RNF150: variants seen among roughly 807,000 people sequenced by gnomAD.
RNF150 encodes ring finger protein 150.
A neutral mutation model predicts 39.3 loss-of-function variants in RNF150; 24 were observed. That is an observed-to-expected ratio of 0.61 (90% confidence interval 0.44 to 0.86). The LOEUF is 0.86. Among genes scored for constraint, RNF150 ranks in the 40% least tolerant of loss-of-function variants. The pLI is 0.00. For synonymous variants in RNF150, 255 were observed against 227.3 expected (o/e 1.12, Z -1.10); for missense variants, 502 against 587.8 (o/e 0.85, Z 1.51).
chr4:141,193,058 C>T (rs995221154), intron 1 of RNF150, among the ~76,000 whole-genome samples: 5 of 152,192 alleles, frequency 3.3e-5, no homozygotes, highest in African/African-American at 1.2e-4. Flanking sequence ...TGTCACTCTT[C>T]CCTGCTTTTA....
chr4:140,920,215 C>T (rs994182824), intron 5 of RNF150, among the ~76,000 whole-genome samples: 1 of 149,246 alleles, frequency 6.7e-6, no homozygotes. Flanking sequence ...AGAGCTTCTG[C>T]ACAGTGAAAG....
At chr4:140,921,668 G>A (rs76804444) in intron 5 of RNF150, among the ~76,000 whole-genome samples, 83,757 of 151,826 alleles carry the variant, frequency 0.55, 23,604 homozygotes, top group East Asian at 0.89. Flanking sequence ...ACAACCAAAA[G>A]AGAGAATTTT....
intron 1 of RNF150, among the ~76,000 whole-genome samples, chr4:141,065,798 C>T (rs1309993746): frequency 2.0e-5 from 3 of 151,974 alleles, no homozygotes; most frequent in Admixed American, 6.6e-5. Context: ...TAAATGCCGA[C>T]TCCCTCCGCT....
chr4:140,896,834 G>C (rs897405158), intron 6 of RNF150, among the ~76,000 whole-genome samples: 2 of 151,796 alleles, frequency 1.3e-5, no homozygotes, highest in East Asian at 3.9e-4. Flanking sequence ...CTGCACCACC[G>C]TGTGTAGGTC....
intron 1 of RNF150, among the ~76,000 whole-genome samples, chr4:141,204,980 C>A (rs1052695154): frequency 6.6e-6 from 1 of 152,072 alleles, no homozygotes; most frequent in Admixed American, 6.6e-5. Flanking sequence ...GCCTTGAGGT[C>A]TTTTTCTGAG....
At position 141,132,999 on chromosome 4, in the gene RNF150, T is replaced by G; in HGVS notation, c.-191A>C. Reference sequence around the variant, plus strand: ...CGGGCGAGCGGATGGCGCTGGCCCCTTCCCCTCTCAGCTGTAGCGCGGTGG... The same window carrying G: ...CGGGCGAGCGGATGGCGCTGGCCCCGTCCCCTCTCAGCTGTAGCGCGGTGG... On this transcript the variant is annotated 5_prime_UTR_variant, in exon 1 of 7. Coordinates refer to ENST00000515673, the MANE Select transcript of RNF150 (RefSeq NM_020724.2). This position sits in a 1 kb window ranked among gnomAD's most constrained non-coding sequence, Gnocchi z 4.9. 1 of 531,262 alleles carries G rather than the reference T, an allele frequency of 1.9e-6. No homozygotes were observed. The allele number at this position is 531,262 out of a possible 1,614,324, so 32.9% of individuals were successfully genotyped here.
intron 1 of RNF150, among the ~76,000 whole-genome samples, chr4:141,011,500 C>T (rs564898721): frequency 6.6e-6 from 1 of 152,170 alleles, no homozygotes; most frequent in South Asian, 2.1e-4. Flanking sequence ...TATAATATAC[C>T]ACCCTATATA....
At chr4:141,104,594 C>T (rs750190729) in intron 1 of RNF150, among the ~76,000 whole-genome samples, 5 of 152,044 alleles carry the variant, frequency 3.3e-5, no homozygotes, top group Non-Finnish European at 5.9e-5. Flanking sequence ...TCTCTGAAGC[C>T]GACAACAAAT....
chr4:140,883,402 T>C (rs370417610), intron 6 of RNF150, among the ~76,000 whole-genome samples: 11 of 152,208 alleles, frequency 7.2e-5, no homozygotes, highest in Non-Finnish European at 1.6e-4. Context: ...TGTGTTACTA[T>C]CTAATGTTCT....
At chr4:141,024,801 A>G (rs1166205127) in intron 1 of RNF150, among the ~76,000 whole-genome samples, 1 of 152,130 alleles carries the variant, frequency 6.6e-6, no homozygotes, top group Admixed American at 6.5e-5. Context: ...ACATAAAGAT[A>G]TAAGATTTGA....
At chr4:140,971,645 G>C (rs1733470120) in intron 1 of RNF150, among the ~76,000 whole-genome samples, 1 of 152,094 alleles carries the variant, frequency 6.6e-6, no homozygotes, top group African/African-American at 2.4e-5. Context: ...GACGACAGCA[G>C]AGGAGCATCC....
rs1735617167 is a variant in RNF150 at position 141,024,497 on chromosome 4, G to A, written c.485-56624C>T. On this transcript the variant is annotated intron_variant, in intron 1 of 6. Transcript: ENST00000515673. Reference sequence around the variant, plus strand: ...TCAGGGGGATATACCTTCATCCCAAGGCACATCAAATTATCGCTGGTTAAA... The same window carrying A: ...TCAGGGGGATATACCTTCATCCCAAAGCACATCAAATTATCGCTGGTTAAA... 2.6e-5 allele frequency among the ~76,000 whole-genome samples: 4 copies of A among 152,136 alleles called. No homozygotes were observed. The South Asian group carries it at 8.3e-4, about 32-fold the overall frequency.
At position 141,109,160 on chromosome 4, in the gene RNF150, C is replaced by T. The variant is rs1005795279; in HGVS notation, c.484+23165G>A. Among the ~76,000 whole-genome samples, 5 of 152,066 alleles carry T rather than the reference C, an allele frequency of 3.3e-5. No homozygotes were observed. In the East Asian group the frequency reaches 9.7e-4, roughly 29 times the overall value. ...CTGATTTGATTTGTTTTGCTATTTA[C>T]CCCCAGCCCAATTTTATTCCAAATA... On this transcript the variant is annotated intron_variant, in intron 1 of 6. Transcript: ENST00000515673.
chr4:141,116,836 T>A lies in RNF150; in HGVS notation c.484+15489A>T, dbSNP rs147354317. 3.3e-5 allele frequency among the ~76,000 whole-genome samples: 5 copies of A among 152,302 alleles called. No individual in the cohort carries two copies. In the East Asian group the frequency reaches 9.7e-4, roughly 29 times the overall value. On this transcript the variant is annotated intron_variant, in intron 1 of 6. Transcript: ENST00000515673. ...TTAAAAAATGATGAGTTCATGTCCTTTGCAGGAATATGGATGAAGCTGGAA... is the reference window on the plus strand; with the variant it reads ...TTAAAAAATGATGAGTTCATGTCCTATGCAGGAATATGGATGAAGCTGGAA...
intron 2 of RNF150, among the ~76,000 whole-genome samples, chr4:140,960,994 G>A (rs1432883718): frequency 3.3e-5 from 5 of 152,082 alleles, no homozygotes; most frequent in Admixed American, 3.3e-4. Flanking sequence ...GAAAGGTGAA[G>A]TAACTTGTGC....
chr4:140,919,227 G>A (rs913619404), intron 5 of RNF150, among the ~76,000 whole-genome samples: 18 of 143,348 alleles, frequency 1.3e-4, no homozygotes, highest in Non-Finnish European at 2.0e-4. Context: ...ATTCAATTAG[G>A]AAAAGAGGAA....
Position 140,861,635 on chromosome 4 carries a change from G to T in RNF150, c.*6626C>A, listed in dbSNP as rs1412260894. 6.6e-6 allele frequency: 1 copy of T among 152,234 alleles called. No individual in the cohort carries two copies. Among genetic ancestry groups the T allele is most frequent in the African/African-American group, 2.4e-5 (1 of 41,474 alleles). 9.4% of individuals were successfully genotyped at this position (152,234 alleles called of 1,614,324 possible). A position where few individuals can be genotyped will look rare whatever the true frequency, so the allele number is the denominator to read the frequency against. ...TTCAGACCGAAAAGTCCATGTATGTGTTAGTTCTTCAACTGCTCTACTATA... is the reference window on the plus strand; with the variant it reads ...TTCAGACCGAAAAGTCCATGTATGTTTTAGTTCTTCAACTGCTCTACTATA... On this transcript the variant is annotated 3_prime_UTR_variant, in exon 7 of 7. Coordinates refer to ENST00000515673, the MANE Select transcript of RNF150 (RefSeq NM_020724.2).
At chr4:141,178,188 C>T (rs115095424) in intron 1 of RNF150, among the ~76,000 whole-genome samples, 240 of 152,128 alleles carry the variant, frequency 1.6e-3, no homozygotes, top group African/African-American at 5.5e-3. Context: ...AAGGACTGAA[C>T]CTTAGACAGA....
At chr4:140,875,961 GA>G (rs1729139521) in intron 6 of RNF150, among the ~76,000 whole-genome samples, 2 of 152,222 alleles carry the variant, frequency 1.3e-5, no homozygotes, top group East Asian at 1.9e-4. Context: ...CCTCTGTTAG[GA>G]ATTAACAAAC....
Sources: gnomAD v4.1 joint callset for allele counts (sites outside exome capture counted in the v4.1 genomes callset) on GRCh38, gnomAD v4.1.1 for gene constraint, Gnocchi (gnomAD v3.1) non-coding constraint, MANE v1.5 for transcripts, NCBI Gene and HGNC (gene_info 2026-07-23, HGNC 2026-07-21) for gene names.